Variants in NSUN6 observed in about 807,000 individuals in gnomAD.
The protein encoded by NSUN6 is tRNA (cytosine(72)-C(5))-methyltransferase NSUN6.
In NSUN6, 64 loss-of-function variants were observed where a neutral mutation model predicts 58.0. That is an observed-to-expected ratio of 1.10 (90% CI 0.90 to 1.36). NSUN6 has a LOEUF of 1.36. Ranked by LOEUF, NSUN6 falls within the 40% of genes most tolerant of loss-of-function variation. The probability of loss-of-function intolerance (pLI) is 0.00; values close to 1 mark genes in which losing one functional copy is unlikely to be tolerated. For missense variants in NSUN6, 701 were observed against 550.1 expected (o/e 1.27, Z -2.74); for synonymous variants, 231 against 193.9 (o/e 1.19, Z -1.59).
intron 8 of NSUN6, among the ~76,000 whole-genome samples, chr10:18,572,926 TTCCATTCCATTCCTTTC>T (rs2056453820): frequency 6.6e-6 from 1 of 150,692 alleles, no homozygotes; most frequent in South Asian, 2.1e-4. Context: ...CCATCCTCCA[TTCCATTCCATTCCTTTC>T]TCCATTCCAT....
At chr10:18,556,622 G>A (rs1008087239) in intron 8 of NSUN6, among the ~76,000 whole-genome samples, 1 of 151,534 alleles carries the variant, frequency 6.6e-6, no homozygotes, top group African/African-American at 2.4e-5. Context: ...GAATGGAATG[G>A]ACATGGAATG....
At chr10:18,557,777 C>A (rs138093470) in intron 8 of NSUN6, among the ~76,000 whole-genome samples, 1 of 141,816 alleles carries the variant, frequency 7.1e-6, no homozygotes, top group African/African-American at 2.6e-5. Flanking sequence ...GAGAATGGAA[C>A]AGAATGGAAT....
chr10:18,645,546 G>A lies in NSUN6; in HGVS notation c.231+2944C>T, dbSNP rs142427560. ...TTGAGGTTAATCCATACTGTAGCATGTATCAGTTCATTCTAGTTCATAATT... is the reference window on the plus strand; with the variant it reads ...TTGAGGTTAATCCATACTGTAGCATATATCAGTTCATTCTAGTTCATAATT... On this transcript the variant is annotated intron_variant, in intron 2 of 10. Transcript: ENST00000377304. Among the ~76,000 whole-genome samples the A allele has an allele frequency of 1.4e-4, 21 of 152,266 alleles. No homozygotes were observed. The East Asian group carries it at 2.7e-3, about 20-fold the overall frequency.
At chr10:18,585,860 T>C (rs1370432751) in intron 8 of NSUN6, 89 bp downstream of exon 8, 1 of 944,692 alleles carries the variant, frequency 1.1e-6, no homozygotes, top group African/African-American at 1.7e-5. Flanking sequence ...CCACATTGTA[T>C]ACAAAATTAT....
intron 9 of NSUN6, among the ~76,000 whole-genome samples, chr10:18,549,925 A>G (rs10828896): frequency 0.35 from 53,009 of 152,094 alleles, 9,839 homozygotes; most frequent in East Asian, 0.74. Context: ...ACTATCACCA[A>G]TGAGGTATTC....
intron 5 of NSUN6, among the ~76,000 whole-genome samples, chr10:18,610,677 G>T (rs1564797903): frequency 6.6e-6 from 1 of 152,282 alleles, no homozygotes; most frequent in African/African-American, 2.4e-5. Context: ...GACTCAGATG[G>T]CCTGGTGGAG....
intron 3 of NSUN6, among the ~76,000 whole-genome samples, chr10:18,622,959 G>A (rs2058664729): frequency 6.6e-6 from 1 of 152,164 alleles, no homozygotes; most frequent in Non-Finnish European, 1.5e-5. Context: ...TCCAAATGTA[G>A]CCTTTAGAAA....
chr10:18,552,653 CCATTCTATTCCA>C (rs1273725063), intron 8 of NSUN6, among the ~76,000 whole-genome samples: 5 of 151,676 alleles, frequency 3.3e-5, no homozygotes, highest in African/African-American at 1.2e-4. Context: ...ATTCCATTCC[CCATTCTATTCCA>C]TTCTCCATTC....
upstream of NSUN6, among the ~76,000 whole-genome samples, chr10:18,657,554 A>T (rs2035752): frequency 2.0e-5 from 3 of 152,160 alleles, no homozygotes; most frequent in Non-Finnish European, 2.9e-5. Flanking sequence ...AAAATATCAT[A>T]AAAATGTTTA....
At chr10:18,626,803 C>G (rs2058825944) in intron 3 of NSUN6, among the ~76,000 whole-genome samples, 1 of 152,040 alleles carries the variant, frequency 6.6e-6, no homozygotes, top group African/African-American at 2.4e-5. Context: ...ATCGAGTAGG[C>G]TGAAAGAGAA....
intron 8 of NSUN6, among the ~76,000 whole-genome samples, chr10:18,556,539 G>T (rs2055037215): frequency 6.6e-6 from 1 of 150,874 alleles, no homozygotes; most frequent in African/African-American, 2.4e-5. Context: ...ATGCAGTGGT[G>T]AATAGAATGA....
chr10:18,615,981 GA>G (rs758423302), intron 4 of NSUN6, among the ~76,000 whole-genome samples: 8,250 of 140,320 alleles, frequency 0.059, 294 homozygotes, highest in Non-Finnish European at 0.082. Flanking sequence ...TATTTGGAAG[GA>G]AAAAAAAAAA....
In NSUN6 at chr10:18,586,177, C is replaced by CA. The variant is rs1405456763; in HGVS notation, c.778-85dup. 2.6e-6 allele frequency: 3 copies of CA among 1,147,494 alleles called. No homozygotes were observed. The African/African-American group carries it at 4.8e-5, about 18-fold the overall frequency. 71.1% of individuals were successfully genotyped at this position (1,147,494 alleles called of 1,614,324 possible). A position where few individuals can be genotyped will look rare whatever the true frequency, so the allele number is the denominator to read the frequency against. On this transcript the variant is annotated intron_variant, in intron 7 of 10. Coordinates refer to ENST00000377304, the MANE Select transcript of NSUN6 (RefSeq NM_182543.5). ...GCAGTCATAAAAATAATGAGAAAAACATGAAAAATTATGGTCTTTTCCACC... is the reference window on the plus strand; with the variant it reads ...GCAGTCATAAAAATAATGAGAAAAACAATGAAAAATTATGGTCTTTTCCACC...
intron 3 of NSUN6, among the ~76,000 whole-genome samples, chr10:18,638,031 A>T (rs139120365): frequency 6.6e-6 from 1 of 152,192 alleles, no homozygotes; most frequent in Admixed American, 6.5e-5. Context: ...GATTACTTTT[A>T]TATTTATGTA....
chr10:18,558,982 T>C (rs1005153243), intron 8 of NSUN6, among the ~76,000 whole-genome samples: 2 of 149,192 alleles, frequency 1.3e-5, no homozygotes, highest in South Asian at 4.2e-4. Context: ...AAGAATGGAA[T>C]GGAGAATGCA....
At chr10:18,613,797 A>G (rs1163167380) in intron 5 of NSUN6, among the ~76,000 whole-genome samples, 1 of 152,186 alleles carries the variant, frequency 6.6e-6, no homozygotes, top group Non-Finnish European at 1.5e-5. Context: ...ATATCGTCCA[A>G]TTCTAAAGGG....
intron 7 of NSUN6, 76 bp from the exon 8 acceptor site, chr10:18,586,169 G>A: frequency 8.3e-7 from 1 of 1,201,156 alleles, no homozygotes; most frequent in Non-Finnish European, 1.1e-6. Flanking sequence ...TAAAAATAAT[G>A]AGAAAAACAT....
At chr10:18,574,532 G>T (rs2056555089) in intron 8 of NSUN6, among the ~76,000 whole-genome samples, 1 of 152,108 alleles carries the variant, frequency 6.6e-6, no homozygotes, top group South Asian at 2.1e-4. Context: ...ATTCATAGAT[G>T]CTTCCTCCCA....
chr10:18,582,044 G>A (rs558185261), intron 8 of NSUN6, among the ~76,000 whole-genome samples: 10 of 152,060 alleles, frequency 6.6e-5, no homozygotes, highest in South Asian at 2.1e-4. Flanking sequence ...TTGCTGAGGC[G>A]TTCTTCCCTT....
Sources: allele counts gnomAD v4.1 joint callset (sites outside exome capture counted in the v4.1 genomes callset), GRCh38; gene constraint gnomAD v4.1.1; transcripts MANE v1.5; gene names NCBI Gene and HGNC (gene_info 2026-07-23, HGNC 2026-07-21).